The following UGP2 variants were observed in gnomAD, a reference collection of about 807,000 sequenced individuals.
UGP2 encodes the protein UDP-glucose pyrophosphorylase 2, also known as UTP--glucose-1-phosphate uridylyltransferase.
UGP2 carries 40 observed loss-of-function variants against 49.0 expected under a neutral mutation model. The ratio of observed to expected loss-of-function variants is 0.82; its 90% confidence interval spans 0.63 to 1.06. The LOEUF is 1.06. UGP2 is among the 50% of genes least tolerant of loss of function. The pLI is 0.00. For synonymous variants in UGP2, 225 were observed against 213.0 expected, an observed-to-expected ratio of 1.06 and a Z score of -0.49; for missense variants, 460 against 603.5, an observed-to-expected ratio of 0.76 and a Z score of 2.49.
At chr2:63,868,786 C>T (rs1318927107) in intron 3 of UGP2, among the ~76,000 whole-genome samples, 1 of 151,856 alleles carries the variant, frequency 6.6e-6, no homozygotes, top group Non-Finnish European at 1.5e-5. Context: ...CGAGACTAGC[C>T]AACATGGTGA....
In UGP2 at chr2:63,887,663, A is replaced by G. The variant is rs761011560; in HGVS notation, c.1314+19A>G. The G allele has an allele frequency of 2.5e-6, 4 of 1,610,000 alleles. No homozygotes were observed. In the South Asian group the frequency reaches 4.4e-5, roughly 18 times the overall value. ...TACGAAGGTACGTAACTATAAAGAT[A>G]TGTGAGTTCATATTTCTTAAATGTG... is the stretch of plus-strand genomic sequence containing the variant. On this transcript the variant is annotated intron_variant, in intron 8 of 9. Transcript: ENST00000337130.
At chr2:63,854,369 G>A (rs1669243672) in intron 1 of UGP2, among the ~76,000 whole-genome samples, 1 of 152,180 alleles carries the variant, frequency 6.6e-6, no homozygotes, top group Admixed American at 6.5e-5. Context: ...TAGAAATCTT[G>A]GATTATTCAG....
chr2:63,864,996 C>T (rs1478933703), intron 3 of UGP2, among the ~76,000 whole-genome samples: 1 of 152,084 alleles, frequency 6.6e-6, no homozygotes, highest in African/African-American at 2.4e-5. Context: ...GACTAATTTC[C>T]CATCACTGCT....
At chr2:63,886,804 G>A (rs1292838100) in intron 7 of UGP2, among the ~76,000 whole-genome samples, 2 of 152,172 alleles carry the variant, frequency 1.3e-5, no homozygotes, top group East Asian at 3.8e-4. Flanking sequence ...TTCAGTCTTA[G>A]TTGTTGCTCT....
At chr2:63,874,775 TAA>T (rs778160862) in intron 3 of UGP2, among the ~76,000 whole-genome samples, 6 of 141,096 alleles carry the variant, frequency 4.3e-5, no homozygotes, top group Non-Finnish European at 1.6e-5. Context: ...ACTGATTGTT[TAA>T]AAAAAAAAAA....
At chr2:63,842,638 C>T in intron 1 of UGP2, 1 of 1,418,212 alleles carries the variant, frequency 7.1e-7, no homozygotes, top group Admixed American at 2.9e-5. Flanking sequence ...CTTTAGTGTT[C>T]TCCGCTTCTA....
At chr2:63,864,658 A>G (rs893590147) in intron 3 of UGP2, among the ~76,000 whole-genome samples, 4 of 152,202 alleles carry the variant, frequency 2.6e-5, no homozygotes, top group South Asian at 2.1e-4. Context: ...CCTAATCACT[A>G]TGATGTATTG....
At chr2:63,854,110 T>TA (rs987654003) in intron 1 of UGP2, among the ~76,000 whole-genome samples, 1 of 152,166 alleles carries the variant, frequency 6.6e-6, no homozygotes, top group Non-Finnish European at 1.5e-5. Flanking sequence ...GGAATGGGAC[T>TA]AAAAAAACAT....
intron 4 of UGP2, chr2:63,883,303 A>G (rs902830053): frequency 1.3e-5 from 2 of 152,254 alleles, no homozygotes; most frequent in Non-Finnish European, 2.9e-5. Context: ...CATTTTACCA[A>G]TGAGGAAACC....
At chr2:63,869,672 A>C (rs115564095) in intron 3 of UGP2, among the ~76,000 whole-genome samples, 1,809 of 152,326 alleles carry the variant, frequency 0.012, 21 homozygotes, top group Non-Finnish European at 0.018. Flanking sequence ...TAGTAACTGA[A>C]GTAGCAGATT....
rs865852265 is a variant in UGP2, at chr2:63,885,997, T to C, written c.873+111T>C. 13 of 1,213,910 alleles carry C rather than the reference T, an allele frequency of 1.1e-5. No individual in the cohort carries two copies. In the Middle Eastern group the frequency reaches 2.0e-3, roughly 186 times the overall value. 75.2% of individuals were successfully genotyped at this position (1,213,910 alleles called of 1,614,324 possible). On this transcript the variant is annotated intron_variant, in intron 6 of 9. Coordinates refer to ENST00000337130, the MANE Select transcript of UGP2 (RefSeq NM_006759.4). ...TCTATGTTAAACAACACATTTAATA[T>C]GTTCTGTTTGACATAATAGTATGTA...
chr2:63,891,004 TAAAAAAAGTTACTTCACTGTAAAAA>T (rs1672106567), intron 9 of UGP2, 91 bp from the exon 10 acceptor site: 2 of 663,754 alleles, frequency 3.0e-6, no homozygotes, highest in Non-Finnish European at 4.9e-6. Flanking sequence ...ATATTGTTTA[TAAAAAAAGTTACTTCACTGTAAAAA>T]AAAAAAAGTT....
At chr2:63,883,562 T>G (rs1673305748) in intron 4 of UGP2, among the ~76,000 whole-genome samples, 1 of 152,134 alleles carries the variant, frequency 6.6e-6, no homozygotes, top group Admixed American at 6.5e-5. Context: ...GATGTTAACA[T>G]AGAGTAAATG....
chr2:63,856,074 G>A (rs1204030872), intron 1 of UGP2: 3 of 399,642 alleles, frequency 7.5e-6, no homozygotes, highest in African/African-American at 2.1e-5. Context: ...GGAAGTAGAG[G>A]CACCTTGGAA....
At chr2:63,866,556 T>C (rs1343562779) in intron 3 of UGP2, among the ~76,000 whole-genome samples, 3 of 152,102 alleles carry the variant, frequency 2.0e-5, no homozygotes, top group African/African-American at 7.2e-5. Flanking sequence ...GCCCAAAAAA[T>C]CAGGGGTAGA....
At chr2:63,869,164 G>A (rs1233110400) in intron 3 of UGP2, among the ~76,000 whole-genome samples, 7 of 151,986 alleles carry the variant, frequency 4.6e-5, no homozygotes, top group South Asian at 2.1e-4. Context: ...TTCAAGTAGC[G>A]GTAAGTGAAT....
chr2:63,865,280 G>C lies in UGP2; in HGVS notation c.255+7344G>C, dbSNP rs11693954. Among the ~76,000 whole-genome samples the C allele has an allele frequency of 4.8e-4, 73 of 152,208 alleles. 1 individual carries two copies. Among genetic ancestry groups the C allele is most frequent in the Non-Finnish European group, 5.9e-5 (4 of 68,040 alleles). ...TAGGGTAAATGTAAGAGGCCGTTTA[G>C]TTGGGAAGGAGGCTGTGGCTGCCTC... On this transcript the variant is annotated intron_variant, in intron 3 of 9. Transcript: ENST00000337130.
In UGP2 at chr2:63,886,541, A is replaced by T. The variant is rs753876841; in HGVS notation, c.1071+3A>T. The T allele has an allele frequency of 6.2e-7, 1 of 1,613,960 alleles. No individual in the cohort carries two copies. The highest frequency in any genetic ancestry group is 8.5e-7 in the Non-Finnish European group (1 of 1,180,004). ...TGGAAATCATTGTGAATGCAAAGGT[A>T]AGCCAAGGTTGTGGCCCATTGAGCT... is the stretch of plus-strand genomic sequence containing the variant. On this transcript the variant is annotated splice_donor_region_variant and intron_variant, in intron 7 of 9. Transcript: ENST00000337130.
intron 5 of UGP2, among the ~76,000 whole-genome samples, chr2:63,884,975 ATCTATT>A (rs965215413): frequency 2.5e-5 from 3 of 120,386 alleles, no homozygotes; most frequent in Non-Finnish European, 5.4e-5. Flanking sequence ...TGTTTTTAAG[ATCTATT>A]TCCCATGGTT....
Sources: gnomAD v4.1 joint callset for allele counts (sites outside exome capture counted in the v4.1 genomes callset) on GRCh38, gnomAD v4.1.1 for gene constraint, MANE v1.5 for transcripts, NCBI Gene and HGNC (gene_info 2026-07-23, HGNC 2026-07-21) for gene names.